Variants in HDAC9 observed in about 807,000 individuals in gnomAD.
HDAC9 encodes the protein MEF-2 interacting transcription repressor (MITR) protein.
In HDAC9, 41 loss-of-function variants were observed where a neutral mutation model predicts 139.4. The ratio of observed to expected loss-of-function variants is 0.29; its 90% CI spans 0.23 to 0.38. HDAC9 has a LOEUF of 0.38. Ranked by LOEUF, HDAC9 falls within the 10% of genes least tolerant of loss-of-function variation. The pLI is 1.00. For synonymous variants in HDAC9, 517 were observed against 476.2 expected (o/e 1.09, Z -1.12); for missense variants, 1,147 against 1,297.0 (o/e 0.88, Z 1.78).
chr7:18,838,148 C>T (rs1254301048), intron 21 of HDAC9, among the ~76,000 whole-genome samples: 1 of 152,028 alleles, frequency 6.6e-6, no homozygotes, highest in East Asian at 1.9e-4. Flanking sequence ...CTAGGTCAAA[C>T]AGGTAAGTCA....
chr7:18,316,515 T>A (rs1255800053), intron 1 of HDAC9, among the ~76,000 whole-genome samples: 1 of 151,914 alleles, frequency 6.6e-6, no homozygotes, highest in Admixed American at 6.6e-5. Flanking sequence ...TTCACCCATG[T>A]TGCCAGGTAC....
chr7:18,509,056 A>C (rs1048712541), intron 2 of HDAC9, among the ~76,000 whole-genome samples: 1 of 152,238 alleles, frequency 6.6e-6, no homozygotes, highest in South Asian at 2.1e-4. Context: ...TTTTTTAAAA[A>C]GGGAGAAACA....
At chr7:18,112,157 A>G (rs1456497551) in intron 1 of HDAC9, among the ~76,000 whole-genome samples, 1 of 152,144 alleles carries the variant, frequency 6.6e-6, no homozygotes, top group Non-Finnish European at 1.5e-5. Context: ...ATTTTCCTGA[A>G]TGGGTGGATG....
At chr7:18,808,023 C>T (rs1203300955) in intron 17 of HDAC9, 2 of 152,156 alleles carry the variant, frequency 1.3e-5, no homozygotes, top group East Asian at 3.8e-4. Flanking sequence ...AGATCAGTAA[C>T]AGGATAATCT....
chr7:18,678,721 T>C (rs181170156), intron 12 of HDAC9, among the ~76,000 whole-genome samples: 2 of 152,072 alleles, frequency 1.3e-5, no homozygotes, highest in Admixed American at 1.3e-4. Context: ...TTTAAAGTCC[T>C]TTTCTGCCAT....
At chr7:18,281,391 AATTT>A (rs949076917) in intron 2 of HDAC9, among the ~76,000 whole-genome samples, 1 of 152,180 alleles carries the variant, frequency 6.6e-6, no homozygotes, top group Non-Finnish European at 1.5e-5. Flanking sequence ...TTAAGTACTT[AATTT>A]AAGAGAGAGA....
intron 1 of HDAC9, among the ~76,000 whole-genome samples, chr7:18,386,691 C>T (rs764524227): frequency 2.6e-5 from 4 of 152,192 alleles, no homozygotes; most frequent in South Asian, 2.1e-4. Context: ...CAACTCATCA[C>T]GATTAAACCA....
At chr7:18,263,273 T>A (rs1352603610) in intron 2 of HDAC9, among the ~76,000 whole-genome samples, 1 of 152,176 alleles carries the variant, frequency 6.6e-6, no homozygotes, top group African/African-American at 2.4e-5. Flanking sequence ...TAAAACCGCA[T>A]TTTTATGTTA....
chr7:18,441,512 C>T (rs916411965), intron 1 of HDAC9, among the ~76,000 whole-genome samples: 1 of 152,128 alleles, frequency 6.6e-6, no homozygotes, highest in Non-Finnish European at 1.5e-5. Flanking sequence ...AGTGGTACAA[C>T]ACTTGCTTGG....
At chr7:18,281,727 C>T (rs558733131) in intron 2 of HDAC9, among the ~76,000 whole-genome samples, 86 of 152,276 alleles carry the variant, frequency 5.6e-4, no homozygotes, top group African/African-American at 2.0e-3. Flanking sequence ...AGACATCTGA[C>T]TTGAAGACTA....
intron 1 of HDAC9, among the ~76,000 whole-genome samples, chr7:18,134,083 T>G (rs1785224338): frequency 6.6e-6 from 1 of 151,918 alleles, no homozygotes; most frequent in Non-Finnish European, 1.5e-5. Context: ...ATTGGTCCAT[T>G]ACAACCATTG....
rs1178346 is a variant in HDAC9, at chr7:18,177,479, G to T, written c.25+15130G>T. 5.5e-3 allele frequency among the ~76,000 whole-genome samples: 830 copies of T among 152,198 alleles called. 8 individuals are homozygous for T. Among genetic ancestry groups the T allele is most frequent in the African/African-American group, 0.019 (795 of 41,522 alleles). ...TTTTCTCCTCAATGAACCCCACTCT[G>T]TTCAACATGTAGAGCTGCTTACCTT... is the stretch of plus-strand genomic sequence containing the variant. On this transcript the variant is annotated intron_variant, in intron 2 of 12. Coordinates refer to the HDAC9 transcript ENST00000417496.
chr7:18,858,528 G>T (rs1186371097), intron 21 of HDAC9, among the ~76,000 whole-genome samples: 1 of 152,116 alleles, frequency 6.6e-6, no homozygotes, highest in East Asian at 1.9e-4. Context: ...GACATGTGGG[G>T]ATTATGGGAA....
intron 16 of HDAC9, among the ~76,000 whole-genome samples, chr7:18,786,359 G>A (rs1174206309): frequency 6.6e-6 from 1 of 152,074 alleles, no homozygotes; most frequent in East Asian, 1.9e-4. Context: ...TCCATAGAGA[G>A]GAGTATCTTC....
At chr7:18,094,062 T>C (rs558006385) in intron 1 of HDAC9, among the ~76,000 whole-genome samples, 202 of 152,270 alleles carry the variant, frequency 1.3e-3, no homozygotes, top group Non-Finnish European at 2.4e-3. Context: ...AATGTAAACA[T>C]TTAAAACTGA....
At chr7:18,677,847 A>G (rs1781621807) in intron 12 of HDAC9, among the ~76,000 whole-genome samples, 1 of 151,904 alleles carries the variant, frequency 6.6e-6, no homozygotes, top group African/African-American at 2.4e-5. Context: ...TAACACTAGC[A>G]CTTGATGTGT....
At chr7:18,446,685 C>T (rs889675835) in intron 1 of HDAC9, among the ~76,000 whole-genome samples, 10 of 151,952 alleles carry the variant, frequency 6.6e-5, no homozygotes, top group African/African-American at 1.9e-4. Context: ...CAAATATACA[C>T]GTTCTTTTGT....
Position 18,271,406 on chromosome 7 carries a change from A to G in HDAC9, c.25+109057A>G, listed in dbSNP as rs531040898. Among the ~76,000 whole-genome samples the G allele has an allele frequency of 3.9e-5, 6 of 152,324 alleles. No homozygotes were observed. The South Asian group carries it at 6.2e-4, about 16-fold the overall frequency. On this transcript the variant is annotated intron_variant, in intron 2 of 12. Coordinates refer to the HDAC9 transcript ENST00000417496. ...TTTAGAAGGATCCATAACTTAGAAC[A>G]TTAGTGGTTCCCAGTTTTCCTCCTC...
At chr7:18,832,184 A>C (rs1399109913) in intron 19 of HDAC9, among the ~76,000 whole-genome samples, 1 of 152,250 alleles carries the variant, frequency 6.6e-6, no homozygotes, top group African/African-American at 2.4e-5. Flanking sequence ...CCTACAAGTA[A>C]GACTGTATGA....
Sources: gnomAD v4.1 joint callset for allele counts (sites outside exome capture counted in the v4.1 genomes callset) on GRCh38, gnomAD v4.1.1 for gene constraint, MANE v1.5 for transcripts, NCBI Gene and HGNC (gene_info 2026-07-23, HGNC 2026-07-21) for gene names.